TAFA1: variants seen among roughly 807,000 people sequenced by gnomAD.
The protein encoded by TAFA1 is chemokine-like protein TAFA-1.
A neutral mutation model predicts 18.5 loss-of-function variants in TAFA1; 4 were observed. The ratio of observed to expected loss-of-function variants is 0.22; its 90% CI spans 0.11 to 0.49. The LOEUF (loss-of-function observed/expected upper bound fraction) is 0.49. Among genes scored for constraint, TAFA1 ranks in the 20% least tolerant of loss-of-function variants. The pLI is 0.98. For synonymous variants in TAFA1, 56 were observed against 55.2 expected (o/e 1.01, Z -0.06); for missense variants, 147 against 169.0 (o/e 0.87, Z 0.72).
intron 2 of TAFA1, among the ~76,000 whole-genome samples, chr3:68,347,784 C>T (rs115767664): frequency 6.6e-6 from 1 of 152,178 alleles, no homozygotes; most frequent in African/African-American, 2.4e-5. Flanking sequence ...TAGCAACAGT[C>T]AACTACAATA....
chr3:68,401,101 G>A (rs1049064574), intron 2 of TAFA1, among the ~76,000 whole-genome samples: 1 of 152,180 alleles, frequency 6.6e-6, no homozygotes, highest in South Asian at 2.1e-4. Flanking sequence ...TCACTTCTTG[G>A]TAGAGGCAGA....
At chr3:68,177,999 C>T (rs1478902812) in intron 2 of TAFA1, among the ~76,000 whole-genome samples, 1 of 152,018 alleles carries the variant, frequency 6.6e-6, no homozygotes, top group African/African-American at 2.4e-5. Flanking sequence ...AAAAAATTAG[C>T]CTGGTGTGGT....
At chr3:68,429,685 G>C (rs1193206136) in intron 3 of TAFA1, among the ~76,000 whole-genome samples, 2 of 151,762 alleles carry the variant, frequency 1.3e-5, no homozygotes, top group Non-Finnish European at 2.9e-5. Context: ...CGAATTTCAA[G>C]ACTGCCATTA....
rs574419492 is a variant in TAFA1 at position 68,149,125 on chromosome 3, C to T, written c.118+142381C>T. Among the ~76,000 whole-genome samples, 8 of 152,224 alleles carry T rather than the reference C, an allele frequency of 5.3e-5. No individual in the cohort carries two copies. In the South Asian group the frequency reaches 6.2e-4, roughly 12 times the overall value. On this transcript the variant is annotated intron_variant, in intron 2 of 4. Transcript: ENST00000478136. ...CCTGATGACCATATGTAGTAAGCAA[C>T]GTTTTTTACCCCCAACTTATGGTTA...
At chr3:68,120,241 CT>C (rs754602862) in intron 2 of TAFA1, among the ~76,000 whole-genome samples, 19 of 83,334 alleles carry the variant, frequency 2.3e-4, no homozygotes, top group Non-Finnish European at 4.3e-4. Flanking sequence ...TTCTTTCTTT[CT>C]TTCTTTCTTT....
At chr3:68,256,134 T>G (rs1259853070) in intron 2 of TAFA1, among the ~76,000 whole-genome samples, 1 of 152,120 alleles carries the variant, frequency 6.6e-6, no homozygotes, top group Non-Finnish European at 1.5e-5. Flanking sequence ...ACTGAGGCAT[T>G]ATAACATTCC....
At chr3:68,399,948 G>A (rs1028928617) in intron 2 of TAFA1, among the ~76,000 whole-genome samples, 2 of 152,080 alleles carry the variant, frequency 1.3e-5, no homozygotes, top group Non-Finnish European at 2.9e-5. Flanking sequence ...GCTCAATCTC[G>A]ACTCACACAG....
At chr3:68,341,311 G>C (rs1231069186) in intron 2 of TAFA1, among the ~76,000 whole-genome samples, 1 of 152,112 alleles carries the variant, frequency 6.6e-6, no homozygotes, top group Non-Finnish European at 1.5e-5. Context: ...AGTTTTTCTT[G>C]CTGTCTTCTT....
intron 2 of TAFA1, among the ~76,000 whole-genome samples, chr3:68,189,284 T>C (rs927346660): frequency 1.3e-5 from 2 of 151,966 alleles, no homozygotes; most frequent in African/African-American, 4.8e-5. Context: ...CTCACCTACA[T>C]GCCTCTGTTT....
At chr3:68,374,806 A>G (rs1020227450) in intron 2 of TAFA1, among the ~76,000 whole-genome samples, 1 of 152,164 alleles carries the variant, frequency 6.6e-6, no homozygotes, top group Non-Finnish European at 1.5e-5. Context: ...CATCCCTGCT[A>G]AGAACTCCAG....
chr3:68,517,256 G>A (rs2072936818), intron 3 of TAFA1, among the ~76,000 whole-genome samples: 1 of 152,092 alleles, frequency 6.6e-6, no homozygotes, highest in African/African-American at 2.4e-5. Context: ...TCTTTTTATT[G>A]TTGTATTTAT....
At chr3:68,017,032 A>G (rs913573983) in intron 2 of TAFA1, among the ~76,000 whole-genome samples, 3 of 152,230 alleles carry the variant, frequency 2.0e-5, no homozygotes, top group Middle Eastern at 3.2e-3. Flanking sequence ...CCACTGTTCT[A>G]TAGAGAAATG....
intron 2 of TAFA1, among the ~76,000 whole-genome samples, chr3:68,382,179 G>A (rs2069978184): frequency 6.6e-6 from 1 of 152,136 alleles, no homozygotes; most frequent in African/African-American, 2.4e-5. Flanking sequence ...GATTCGGTTT[G>A]CCAGTATTTT....
intron 2 of TAFA1, among the ~76,000 whole-genome samples, chr3:68,105,733 T>C (rs1408029171): frequency 1.3e-5 from 2 of 152,154 alleles, no homozygotes; most frequent in Non-Finnish European, 2.9e-5. Flanking sequence ...CAGAGGATCA[T>C]TTGCAGAGGC....
chr3:68,276,021 T>C (rs180886466), intron 2 of TAFA1, among the ~76,000 whole-genome samples: 128 of 152,174 alleles, frequency 8.4e-4, no homozygotes, highest in African/African-American at 2.9e-3. Context: ...AGACTCTCAG[T>C]AAATATTCAT....
intron 2 of TAFA1, among the ~76,000 whole-genome samples, chr3:68,156,787 TAA>T (rs566162753): frequency 8.2e-4 from 125 of 151,590 alleles, no homozygotes; most frequent in African/African-American, 2.8e-3. Context: ...AAAAAAATAA[TAA>T]GTCTTGTACT....
At chr3:68,145,933 A>T (rs990823799) in intron 2 of TAFA1, among the ~76,000 whole-genome samples, 1 of 152,172 alleles carries the variant, frequency 6.6e-6, no homozygotes, top group African/African-American at 2.4e-5. Context: ...TGGTTTACAC[A>T]ACCCGGGGGA....
chr3:68,298,655 C>A (rs2068253484), intron 2 of TAFA1, among the ~76,000 whole-genome samples: 1 of 152,102 alleles, frequency 6.6e-6, no homozygotes, highest in South Asian at 2.1e-4. Flanking sequence ...ATAGTGAGTT[C>A]TCACAAGATC....
intron 2 of TAFA1, among the ~76,000 whole-genome samples, chr3:68,353,140 G>T (rs534401772): frequency 2.6e-5 from 4 of 152,022 alleles, no homozygotes; most frequent in Non-Finnish European, 5.9e-5. Context: ...CTCTCCACTG[G>T]GCTGGAATTA....
Sources: gnomAD v4.1 joint callset for allele counts (sites outside exome capture counted in the v4.1 genomes callset) on GRCh38, gnomAD v4.1.1 for gene constraint, MANE v1.5 for transcripts, NCBI Gene and HGNC (gene_info 2026-07-23, HGNC 2026-07-21) for gene names.